The following SV2C variants were observed in gnomAD, a reference collection of about 807,000 sequenced individuals.
SV2C encodes solute carrier family 22 member B3.
SV2C carries 49 observed loss-of-function variants against 79.7 expected under a neutral mutation model. The ratio of observed to expected loss-of-function variants is 0.61; its 90% confidence interval spans 0.49 to 0.78. SV2C has a LOEUF of 0.78. Ranked by LOEUF, SV2C falls within the 30% of genes least tolerant of loss-of-function variation. SV2C has a pLI of 0.00. For synonymous variants in SV2C, 334 were observed against 333.2 expected (o/e 1.00, Z -0.03); for missense variants, 833 against 912.9 (o/e 0.91, Z 1.13).
intron 12 of SV2C, among the ~76,000 whole-genome samples, chr5:76,343,603 T>G (rs1250238514): frequency 2.0e-5 from 3 of 152,202 alleles, no homozygotes; most frequent in African/African-American, 7.2e-5. Context: ...GAACTCCCAC[T>G]GCTGAGGAGG....
At chr5:75,874,977 A>G in the SV2C span, among the ~76,000 whole-genome samples, 5 of 152,238 alleles carry the variant, frequency 3.3e-5, no homozygotes, top group East Asian at 7.7e-4. Flanking sequence ...AAATGGCTAT[A>G]CTGCCCAAGC....
chr5:75,927,070 A>G, the SV2C span, among the ~76,000 whole-genome samples: 1 of 152,184 alleles, frequency 6.6e-6, no homozygotes, highest in Non-Finnish European at 1.5e-5. Context: ...AATTTTTTCC[A>G]TTAATGTATG....
At chr5:76,317,090 C>T (rs1324205763) in intron 12 of SV2C, among the ~76,000 whole-genome samples, 2 of 152,030 alleles carry the variant, frequency 1.3e-5, no homozygotes, top group South Asian at 2.1e-4. Flanking sequence ...GACAAATCTG[C>T]GTATTAGACA....
At chr5:75,943,015 CAAAT>C in the SV2C span, among the ~76,000 whole-genome samples, 2 of 152,076 alleles carry the variant, frequency 1.3e-5, no homozygotes, top group African/African-American at 2.4e-5. Flanking sequence ...CAAAAACAAA[CAAAT>C]AAATAAGCAA....
chr5:76,082,830 A>G (rs115993752), upstream of SV2C, among the ~76,000 whole-genome samples: 1 of 152,048 alleles, frequency 6.6e-6, no homozygotes, highest in African/African-American at 2.4e-5. Flanking sequence ...GGGCTGGGGG[A>G]AGTAGGCAAC....
At chr5:76,047,596 A>G in the SV2C span, among the ~76,000 whole-genome samples, 1 of 152,168 alleles carries the variant, frequency 6.6e-6, no homozygotes, top group Admixed American at 6.5e-5. Context: ...AAAAAATATT[A>G]TGCTATTAAT....
chr5:76,171,017 C>G, intron 2 of SV2C: 1 of 188,578 alleles, frequency 5.3e-6, no homozygotes, highest in South Asian at 2.1e-4. Context: ...GGAGCTGTCT[C>G]AGTCTTTGCC....
the SV2C span, among the ~76,000 whole-genome samples, chr5:75,872,923 AAAAAAG>A: frequency 1.3e-4 from 20 of 151,864 alleles, no homozygotes; most frequent in Non-Finnish European, 1.5e-4. Context: ...AATAAAATTA[AAAAAAG>A]AAAAAGAAAA....
At chr5:76,003,718 G>A in the SV2C span, among the ~76,000 whole-genome samples, 2 of 152,072 alleles carry the variant, frequency 1.3e-5, no homozygotes, top group African/African-American at 4.8e-5. Flanking sequence ...CAAGTGGTGA[G>A]CAAACTTAGT....
intron 4 of SV2C, among the ~76,000 whole-genome samples, chr5:76,280,667 A>G (rs1230036303): frequency 1.3e-5 from 2 of 152,144 alleles, no homozygotes; most frequent in Non-Finnish European, 1.5e-5. Flanking sequence ...GCCGGCTCCG[A>G]GGTGGCCTGG....
chr5:75,856,977 G>A, the SV2C span, among the ~76,000 whole-genome samples: 1 of 137,578 alleles, frequency 7.3e-6, no homozygotes, highest in Admixed American at 7.0e-5. Flanking sequence ...TTTTTTTTGG[G>A]ACGGAGTCTC....
the SV2C span, among the ~76,000 whole-genome samples, chr5:75,850,579 G>C: frequency 6.6e-6 from 1 of 151,302 alleles, no homozygotes; most frequent in East Asian, 1.9e-4. Flanking sequence ...TGGTGGTGTG[G>C]GTACATATGT....
At chr5:75,885,078 C>T in the SV2C span, among the ~76,000 whole-genome samples, 1 of 152,116 alleles carries the variant, frequency 6.6e-6, no homozygotes, top group Non-Finnish European at 1.5e-5. Context: ...AGCTGTGACA[C>T]ATACAAGAAA....
chr5:75,890,485 C>T, the SV2C span, among the ~76,000 whole-genome samples: 1 of 152,034 alleles, frequency 6.6e-6, no homozygotes, highest in Non-Finnish European at 1.5e-5. Context: ...GCCTATACTC[C>T]TTATTTCTAT....
rs371041623 is a variant in SV2C at position 76,100,135 on chromosome 5, C to T, written c.-102+16623C>T. On this transcript the variant is annotated intron_variant, in intron 1 of 12. Coordinates refer to ENST00000502798, the MANE Select transcript of SV2C (RefSeq NM_014979.4). The stretch of plus-strand genomic sequence containing the variant: ...GGAAAAGGAGGAGCTTTAGAGAAAT[C>T]ATGACCTTTTTTTAGTTCTGGTTTG... Among the ~76,000 whole-genome samples the T allele has an allele frequency of 7.2e-5, 11 of 152,296 alleles. No individual in the cohort carries two copies. The South Asian group carries it at 1.0e-3, about 14-fold the overall frequency.
intron 8 of SV2C, among the ~76,000 whole-genome samples, chr5:76,292,733 T>G (rs1186406309): frequency 6.6e-6 from 1 of 152,222 alleles, no homozygotes; most frequent in African/African-American, 2.4e-5. Context: ...TAAATAGTTG[T>G]TGCCAAATGA....
At chr5:76,252,901 GA>G (rs750914296) in intron 4 of SV2C, among the ~76,000 whole-genome samples, 1 of 151,870 alleles carries the variant, frequency 6.6e-6, no homozygotes, top group East Asian at 1.9e-4. Context: ...GCCAATTGGG[GA>G]AAAAACCCTC....
At chr5:75,963,725 T>C in the SV2C span, among the ~76,000 whole-genome samples, 4 of 152,182 alleles carry the variant, frequency 2.6e-5, no homozygotes, top group South Asian at 6.2e-4. Context: ...GGGGAAATGA[T>C]TATGTATTTT....
intron 2 of SV2C, among the ~76,000 whole-genome samples, chr5:76,139,034 G>T (rs962282224): frequency 6.6e-6 from 1 of 152,028 alleles, no homozygotes; most frequent in African/African-American, 2.4e-5. Context: ...CAGGAGAATG[G>T]CATGAACCCG....
Sources: gnomAD v4.1 joint callset for allele counts (sites outside exome capture counted in the v4.1 genomes callset) on GRCh38, gnomAD v4.1.1 for gene constraint, MANE v1.5 for transcripts, NCBI Gene and HGNC (gene_info 2026-07-23, HGNC 2026-07-21) for gene names.